The following HDLBP variants were observed in gnomAD, a reference collection of about 807,000 sequenced individuals.
The protein encoded by HDLBP is high density lipoprotein binding protein.
HDLBP carries 30 observed loss-of-function variants against 137.3 expected under a neutral mutation model. The ratio of observed to expected loss-of-function variants is 0.22; its 90% CI spans 0.16 to 0.30. The LOEUF (loss-of-function observed/expected upper bound fraction) is 0.30, where lower values mean the gene tolerates loss of function less well. Ranked by LOEUF, HDLBP falls within the 10% of genes least tolerant of loss-of-function variation. The pLI, the probability that HDLBP is intolerant of heterozygous loss-of-function variation, is 1.00. For missense variants in HDLBP, 1,119 were observed against 1,667.3 expected (o/e 0.67, Z 5.73); for synonymous variants, 606 against 596.0 (o/e 1.02, Z -0.24).
Position 241,235,165 on chromosome 2 carries a change from G to C in HDLBP, c.3100C>G (p.Leu1034Val). Reference sequence around the variant, plus strand: ...TGTAGCTCCTTCACACGCTCCAGCAGTCCAGCCTTGGCCCGGTCCAAATTT... The same window carrying C: ...TGTAGCTCCTTCACACGCTCCAGCACTCCAGCCTTGGCCCGGTCCAAATTT... The part of the protein sequence containing the change: ...AANLDRAKAG[L>V]LERVKELQAE... The change falls in exon 23 of 28, where the codon CTG (leucine) becomes GTG (valine). Residue 1034 changes from leucine (L) to valine (V), a missense_variant. Coordinates refer to ENST00000310931, the MANE Select transcript of HDLBP (RefSeq NM_005336.6). 2 of 1,614,104 alleles carry C rather than the reference G, an allele frequency of 1.2e-6. No individual in the cohort carries two copies.
chr2:241,272,577 G>A lies in HDLBP; in HGVS notation c.-102-4036C>T. On this transcript the variant is annotated intron_variant, in intron 1 of 27. Coordinates refer to ENST00000310931, the MANE Select transcript of HDLBP (RefSeq NM_005336.6). This position sits in a 1 kb window ranked among gnomAD's most constrained non-coding sequence, Gnocchi z 5.6. ...CAGGTCTGGCCCGGAACCGCCACGC[G>A]CGGTAAGCAGGACACCCGCGGGCGG... The A allele has an allele frequency of 1.0e-6, 1 of 984,146 alleles. No individual in the cohort carries two copies. Among genetic ancestry groups the A allele is most frequent in the Non-Finnish European group, 1.2e-6 (1 of 829,470 alleles). The allele number at this position is 984,146 out of a possible 1,614,324, so 61.0% of individuals were successfully genotyped here.
chr2:241,298,291 G>A (rs113977527), intron 1 of HDLBP, among the ~76,000 whole-genome samples: 9 of 151,894 alleles, frequency 5.9e-5, no homozygotes, highest in Admixed American at 1.3e-4. Flanking sequence ...GCTTGAACCC[G>A]GGAGGTGGAG....
At chr2:241,268,349 C>G (rs1332605545) in intron 2 of HDLBP, 128 bp downstream of exon 2, 4 of 515,850 alleles carry the variant, frequency 7.8e-6, no homozygotes, top group Non-Finnish European at 1.0e-5. Flanking sequence ...TCTGACGAAC[C>G]ACGAGAAACT....
Position 241,229,587 on chromosome 2 carries a change from G to T in HDLBP, c.*14C>A. On this transcript the variant is annotated 3_prime_UTR_variant, in exon 28 of 28. Transcript: ENST00000310931. ...GGGTCAGCAGGCTGGAGAGGGTTCT[G>T]TTCTTTTTGATCATTATCGTTTGGG... The T allele has an allele frequency of 6.2e-7, 1 of 1,603,278 alleles. No homozygotes were observed. The highest frequency in any genetic ancestry group is 8.5e-7 in the Non-Finnish European group (1 of 1,170,536).
At chr2:241,273,544 A>T (rs2074272430) in intron 1 of HDLBP, 1 of 941,482 alleles carries the variant, frequency 1.1e-6, no homozygotes. Context: ...TTCTGCATCC[A>T]TTGTGTTTAC....
At chr2:241,268,096 C>T (rs1209422778) in intron 2 of HDLBP, 1 of 441,890 alleles carries the variant, frequency 2.3e-6, no homozygotes, top group Non-Finnish European at 3.0e-6. Flanking sequence ...CACAACAAGG[C>T]CAAGTAATAA....
At chr2:241,263,923 A>G (rs2149526030) in intron 4 of HDLBP, among the ~76,000 whole-genome samples, 1 of 152,082 alleles carries the variant, frequency 6.6e-6, no homozygotes, top group South Asian at 2.1e-4. Flanking sequence ...CGACAGAAAC[A>G]TCTCTGGGGT....
At chr2:241,252,813 CAGG>C (rs2149468818) in intron 11 of HDLBP, 141 bp downstream of exon 11, 1 of 565,466 alleles carries the variant, frequency 1.8e-6, no homozygotes, top group East Asian at 2.7e-5. Flanking sequence ...TTCCAGCAGG[CAGG>C]AGGATGTAAA....
rs2074139436 is a variant in HDLBP, at chr2:241,272,352, G to A, written c.-102-3811C>T. On this transcript the variant is annotated intron_variant, in intron 1 of 27. Coordinates refer to ENST00000310931, the MANE Select transcript of HDLBP (RefSeq NM_005336.6). The surrounding 1 kb of genome is among the most constrained non-coding windows in gnomAD (Gnocchi z 5.6). ...GGAGGGGAGGGCCGGCCCCGCCAAC[G>A]TCAGCGACCTGGGCTCAGGTCGGCC... 1.3e-5 allele frequency: 13 copies of A among 984,538 alleles called. No homozygotes were observed. The highest frequency in any genetic ancestry group is 1.6e-5 in the Non-Finnish European group (13 of 829,516). The allele number at this position is 984,538 out of a possible 1,614,324, so 61.0% of individuals were successfully genotyped here. A position where few individuals can be genotyped will look rare whatever the true frequency, so the allele number is the denominator to read the frequency against.
At chr2:241,304,457 A>G (rs2075502293) in intron 1 of HDLBP, among the ~76,000 whole-genome samples, 1 of 152,238 alleles carries the variant, frequency 6.6e-6, no homozygotes, top group African/African-American at 2.4e-5. Context: ...CTAGAAGCCA[A>G]TCCCCCGAAG....
rs978874604 is a variant in HDLBP, at chr2:241,293,064, G to A, written c.-103+22506C>T. ...AGAGCAAAGAGGACCACTTATCAACGTCTACAGAGCACTGCTAAAGCTACA... is the reference window on the plus strand; with the variant it reads ...AGAGCAAAGAGGACCACTTATCAACATCTACAGAGCACTGCTAAAGCTACA... On this transcript the variant is annotated intron_variant, in intron 1 of 27. Coordinates refer to ENST00000310931, the MANE Select transcript of HDLBP (RefSeq NM_005336.6). Among the ~76,000 whole-genome samples the A allele has an allele frequency of 6.6e-5, 10 of 152,070 alleles. No homozygotes were observed. The East Asian group carries it at 1.5e-3, about 23-fold the overall frequency.
chr2:241,250,343 A>G (rs912067179), intron 11 of HDLBP: 3 of 173,590 alleles, frequency 1.7e-5, no homozygotes, highest in African/African-American at 7.1e-5. Flanking sequence ...ATGTGCAGTA[A>G]GTTTGGGAAC....
intron 11 of HDLBP, chr2:241,250,694 C>G (rs3771346): frequency 0.2 from 29,876 of 152,246 alleles, 3,513 homozygotes; most frequent in Middle Eastern, 0.27. Context: ...GCTTTTTGTG[C>G]GTCCATCCCA....
chr2:241,231,947 G>A (rs896526212), intron 24 of HDLBP, among the ~76,000 whole-genome samples: 3 of 149,704 alleles, frequency 2.0e-5, no homozygotes, highest in Admixed American at 6.7e-5. Flanking sequence ...ATCACAACAC[G>A]GAACCATCAT....
chr2:241,304,813 C>T (rs1030211978), intron 1 of HDLBP, among the ~76,000 whole-genome samples: 7 of 152,280 alleles, frequency 4.6e-5, no homozygotes, highest in Middle Eastern at 3.4e-3. Context: ...GACACTCAAA[C>T]GCTGGGTAAA....
At chr2:241,287,742 A>G (rs56363214) in intron 1 of HDLBP, among the ~76,000 whole-genome samples, 17,445 of 152,214 alleles carry the variant, frequency 0.11, 1,234 homozygotes, top group Admixed American at 0.16. Context: ...TGTTACGTTG[A>G]TATGTAACCA....
intron 2 of HDLBP, among the ~76,000 whole-genome samples, chr2:241,268,224 A>C (rs929281829): frequency 2.0e-5 from 3 of 152,268 alleles, no homozygotes; most frequent in African/African-American, 7.2e-5. Flanking sequence ...TACTGAATAA[A>C]CATAATTCAC....
At chr2:241,248,169 C>CCAAATATCAAATAT (rs1243112404) in intron 13 of HDLBP, 53 bp from the exon 14 acceptor site, 3 of 1,555,732 alleles carry the variant, frequency 1.9e-6, no homozygotes, top group Non-Finnish European at 2.7e-6. Context: ...GACATATATC[C>CCAAATATCAAATAT]CAAATATCAA....
chr2:241,256,642 G>A lies in HDLBP; in HGVS notation c.615C>T (p.Ile205=), dbSNP rs1559510818. 1.9e-6 allele frequency: 3 copies of A among 1,614,170 alleles called. No individual in the cohort carries two copies. Among genetic ancestry groups the A allele is most frequent in the Non-Finnish European group, 2.5e-6 (3 of 1,180,038 alleles). ...GTAAGACTTCATGGCGAGCTTTCTCGATGCCCTCTTTGGTGCCAGTGATCT... is the reference window on the plus strand; with the variant it reads ...GTAAGACTTCATGGCGAGCTTTCTCAATGCCCTCTTTGGTGCCAGTGATCT... The part of the protein sequence containing the change: ...QIKITGTKEG[I]EKARHEVLLI... Residue 205 remains isoleucine, a synonymous_variant, in exon 6 of 28, where the codon ATC becomes ATT. Coordinates refer to ENST00000310931, the MANE Select transcript of HDLBP (RefSeq NM_005336.6).
Sources: gnomAD v4.1 joint callset for allele counts (sites outside exome capture counted in the v4.1 genomes callset) on GRCh38, gnomAD v4.1.1 for gene constraint, Gnocchi (gnomAD v3.1) non-coding constraint, MANE v1.5 for transcripts, NCBI Gene and HGNC (gene_info 2026-07-23, HGNC 2026-07-21) for gene names.